The following PRKN variants were observed in gnomAD, a reference collection of about 807,000 sequenced individuals.
PRKN encodes the protein E3 ubiquitin-protein ligase parkin.
In PRKN, 56 loss-of-function variants were observed where a neutral mutation model predicts 59.5. The observed-to-expected ratio is 0.94, with a 90% CI of 0.76 to 1.18. The LOEUF is 1.18. PRKN is among the 50% of genes most tolerant of loss of function. The pLI is 0.00. For missense variants in PRKN, 657 were observed against 596.4 expected (o/e 1.10, Z -1.06); for synonymous variants, 250 against 222.1 (o/e 1.13, Z -1.12).
chr6:162,576,810 CAAAA>C (rs573857313), intron 1 of PRKN, among the ~76,000 whole-genome samples: 3 of 92,390 alleles, frequency 3.2e-5, no homozygotes, highest in Admixed American at 1.3e-4. Flanking sequence ...GAGACTCCGT[CAAAA>C]AAAAAAAAAA....
chr6:162,695,632 A>G (rs1777939906), intron 1 of PRKN, among the ~76,000 whole-genome samples: 1 of 152,184 alleles, frequency 6.6e-6, no homozygotes, highest in African/African-American at 2.4e-5. Context: ...GGAAATGGAT[A>G]TTTCTTGACT....
rs1554267955 is a variant in PRKN at position 161,499,184 on chromosome 6, A to G, written c.1083+49670T>C. Among the ~76,000 whole-genome samples, 1 of 150,858 alleles carries G rather than the reference A, an allele frequency of 6.6e-6. No homozygotes were observed. Among genetic ancestry groups the G allele is most frequent in the African/African-American group, 2.4e-5 (1 of 40,876 alleles). On this transcript the variant is annotated intron_variant, in intron 9 of 11. Transcript: ENST00000366898. This position sits in a 1 kb window ranked among gnomAD's most constrained non-coding sequence, Gnocchi z 4.2. Reference sequence around the variant, plus strand: ...GTGCTTGAAAAGAATCTAAGACAACATTTACAGATTGGGAGATCAACGTAA... The same window carrying G: ...GTGCTTGAAAAGAATCTAAGACAACGTTTACAGATTGGGAGATCAACGTAA...
chr6:161,522,627 T>G (rs503890), intron 9 of PRKN, among the ~76,000 whole-genome samples: 1 of 152,166 alleles, frequency 6.6e-6, no homozygotes, highest in South Asian at 2.1e-4. Context: ...GAGAAGTACA[T>G]GACAGAAGAC....
chr6:162,560,853 C>CAAAAAA (rs60391138), intron 1 of PRKN, among the ~76,000 whole-genome samples: 15 of 56,500 alleles, frequency 2.7e-4, no homozygotes, highest in African/African-American at 8.9e-4. Context: ...GAGAGAGAGG[C>CAAAAAA]AAAAAAAAAA....
intron 1 of PRKN, among the ~76,000 whole-genome samples, chr6:162,492,747 C>A (rs1792874609): frequency 6.6e-6 from 1 of 152,014 alleles, no homozygotes; most frequent in African/African-American, 2.4e-5. Context: ...GTCAGGAGAT[C>A]CAGACCATAC....
At chr6:161,621,033 A>G (rs1266604831) in intron 7 of PRKN, among the ~76,000 whole-genome samples, 2 of 152,224 alleles carry the variant, frequency 1.3e-5, no homozygotes, top group African/African-American at 2.4e-5. Flanking sequence ...TCAAGGGCTC[A>G]CTTGAGTTTC....
intron 9 of PRKN, among the ~76,000 whole-genome samples, chr6:161,441,420 G>T (rs374697209): frequency 6.6e-6 from 1 of 152,070 alleles, no homozygotes; most frequent in Admixed American, 6.6e-5. Flanking sequence ...CAAGGCGGGC[G>T]GATCACTTGA....
intron 5 of PRKN, among the ~76,000 whole-genome samples, chr6:162,011,604 G>T (rs780202132): frequency 7.0e-6 from 1 of 143,774 alleles, no homozygotes; most frequent in Non-Finnish European, 1.5e-5. Context: ...GCAGTGCTAT[G>T]AATAATTGAC....
rs1416405513 is a variant in PRKN, at chr6:161,376,214, G to A, written c.1167+10580C>T. On this transcript the variant is annotated intron_variant, in intron 10 of 11. Coordinates refer to ENST00000366898, the MANE Select transcript of PRKN (RefSeq NM_004562.3). The surrounding 1 kb of genome is among the most constrained non-coding windows in gnomAD (Gnocchi z 7.3). ...TAACTCTGAAGGGGTGGGTGTGGGT[G>A]TGGGGAGCATGGATAAGGGGCAGTT... Among the ~76,000 whole-genome samples, 1 of 152,152 alleles carries A rather than the reference G, an allele frequency of 6.6e-6. No homozygotes were observed. The highest frequency in any genetic ancestry group is 2.4e-5 in the African/African-American group (1 of 41,424).
rs979668732 is a variant in PRKN at position 161,550,714 on chromosome 6, A to G, written c.934-1711T>C. 1.5e-5 allele frequency among the ~76,000 whole-genome samples: 2 copies of G among 137,010 alleles called. No individual in the cohort carries two copies. Among genetic ancestry groups the G allele is most frequent in the African/African-American group, 5.5e-5 (2 of 36,668 alleles). The allele number at this position is 137,010 out of a possible 152,430, so 89.9% of individuals were successfully genotyped here. On this transcript the variant is annotated intron_variant, in intron 8 of 11. Coordinates refer to ENST00000366898, the MANE Select transcript of PRKN (RefSeq NM_004562.3). This position sits in a 1 kb window ranked among gnomAD's most constrained non-coding sequence, Gnocchi z 4.0. ...TAGGGGTGGGGACAACTGTGGTAGA[A>G]GAAAGGGTATGTGTGTGTGTGCACG...
intron 1 of PRKN, among the ~76,000 whole-genome samples, chr6:162,654,834 G>A (rs1033020159): frequency 9.7e-6 from 1 of 102,756 alleles, no homozygotes; most frequent in Non-Finnish European, 2.0e-5. Context: ...AAGGAGAAGT[G>A]CAGAGTGAAG....
Position 161,733,804 on chromosome 6 carries a change from A to ATATG in PRKN, c.871+51967_871+51968insCATA, listed in dbSNP as rs1463217360. On this transcript the variant is annotated intron_variant, in intron 7 of 11. Coordinates refer to ENST00000366898, the MANE Select transcript of PRKN (RefSeq NM_004562.3). ...AAAAAATATATATATATATGTATATATATATATATATATATATGTATTCCA... is the reference window on the plus strand; with the variant it reads ...AAAAAATATATATATATATGTATATATATGTATATATATATATATATGTATTCCA... Among the ~76,000 whole-genome samples the ATATG allele has an allele frequency of 5.1e-3, 655 of 129,020 alleles. 19 individuals carry two copies. Among genetic ancestry groups the ATATG allele is most frequent in the African/African-American group, 0.023 (602 of 25,684 alleles). The allele number at this position is 129,020 out of a possible 152,430, so 84.6% of individuals were successfully genotyped here. A position where few individuals can be genotyped will look rare whatever the true frequency, so the allele number is the denominator to read the frequency against.
chr6:161,747,590 A>T (rs1412713070), intron 7 of PRKN, among the ~76,000 whole-genome samples: 2 of 152,258 alleles, frequency 1.3e-5, no homozygotes, highest in African/African-American at 4.8e-5. Flanking sequence ...ACACGTGGGC[A>T]CGACAATATT....
At chr6:162,590,783 A>C (rs866498362) in intron 1 of PRKN, among the ~76,000 whole-genome samples, 1 of 152,156 alleles carries the variant, frequency 6.6e-6, no homozygotes. Flanking sequence ...AAACAAAACA[A>C]AAACAAAACA....
At chr6:162,439,726 A>T (rs1334817106) in intron 2 of PRKN, among the ~76,000 whole-genome samples, 1 of 152,140 alleles carries the variant, frequency 6.6e-6, no homozygotes, top group Non-Finnish European at 1.5e-5. Context: ...GACAAAGACA[A>T]TGAAAATCTT....
chr6:162,641,911 T>C (rs1480292001), intron 1 of PRKN, among the ~76,000 whole-genome samples: 3 of 152,202 alleles, frequency 2.0e-5, no homozygotes, highest in Non-Finnish European at 2.9e-5. Flanking sequence ...TCAGATATTA[T>C]AAAAACAAGG....
chr6:162,038,322 T>C (rs897480501), intron 5 of PRKN, among the ~76,000 whole-genome samples: 1 of 152,194 alleles, frequency 6.6e-6, no homozygotes, highest in Admixed American at 6.6e-5. Context: ...TGGAAAAGGC[T>C]GGAGAATGCC....
At chr6:162,620,717 T>A (rs1782629089) in intron 1 of PRKN, among the ~76,000 whole-genome samples, 1 of 117,362 alleles carries the variant, frequency 8.5e-6, no homozygotes, top group Non-Finnish European at 1.8e-5. Context: ...TGCATATAGA[T>A]ATTCTTTTTA....
rs116803463 is a variant in PRKN, at chr6:161,693,816, T to C, written c.871+91956A>G. 6.3e-3 allele frequency among the ~76,000 whole-genome samples: 954 copies of C among 152,324 alleles called. 14 individuals are homozygous for C. Among genetic ancestry groups the C allele is most frequent in the African/African-American group, 0.022 (914 of 41,568 alleles). The stretch of plus-strand genomic sequence containing the variant: ...TGATGTATGGCCAATTCCCAAAGTT[T>C]CAAATGGATAAATATTAGTCTAATG... On this transcript the variant is annotated intron_variant, in intron 7 of 11. Transcript: ENST00000366898.
Sources: gnomAD v4.1 joint callset for allele counts (sites outside exome capture counted in the v4.1 genomes callset) on GRCh38, gnomAD v4.1.1 for gene constraint, Gnocchi (gnomAD v3.1) non-coding constraint, MANE v1.5 for transcripts, NCBI Gene and HGNC (gene_info 2026-07-23, HGNC 2026-07-21) for gene names.